Variants in HNF4G observed in about 807,000 individuals in gnomAD.
HNF4G encodes the protein hepatocyte nuclear factor 4 gamma.
HNF4G carries 21 observed loss-of-function variants against 50.9 expected under a neutral mutation model. That is an observed-to-expected ratio of 0.41 (90% CI 0.29 to 0.59). The LOEUF is 0.59. Ranked by LOEUF, HNF4G falls within the 20% of genes least tolerant of loss-of-function variation. HNF4G has a pLI of 0.26. For synonymous variants in HNF4G, 198 were observed against 185.6 expected (o/e 1.07, Z -0.54); for missense variants, 527 against 559.4 (o/e 0.94, Z 0.58).
Position 75,566,357 on chromosome 8 carries a change from A to G in HNF4G, c.*2261A>G, listed in dbSNP as rs540597370. 1 of 152,426 alleles carries G rather than the reference A, an allele frequency of 6.6e-6. No homozygotes were observed. Among genetic ancestry groups the G allele is most frequent in the Admixed American group, 6.5e-5 (1 of 15,300 alleles). The allele number at this position is 152,426 out of a possible 1,614,324, so 9.4% of individuals were successfully genotyped here. ...TGTCAGCATGTGAATTTTGGAAAAC[A>G]CAAAAATTCAGAACATAGCAAATAC... On this transcript the variant is annotated 3_prime_UTR_variant, in exon 10 of 10. Transcript: ENST00000396423.
chr8:75,553,025 G>A lies in HNF4G; in HGVS notation c.490-17G>A. Reference sequence around the variant, plus strand: ...CTATTATTTTAAATGATAATATAATGCTTTTCTTAATACTAGATCTCAGTC... The same window carrying A: ...CTATTATTTTAAATGATAATATAATACTTTTCTTAATACTAGATCTCAGTC... On this transcript the variant is annotated splice_polypyrimidine_tract_variant and intron_variant, in intron 4 of 9. Transcript: ENST00000396423. 1 of 1,579,442 alleles carries A rather than the reference G, an allele frequency of 6.3e-7. No homozygotes were observed. The highest frequency in any genetic ancestry group is 1.1e-5 in the South Asian group (1 of 87,476).
At position 75,566,179 on chromosome 8, in the gene HNF4G, C is replaced by T. The variant is rs1174084241; in HGVS notation, c.*2083C>T. ...AGATTAAGGGATCAACAAATTAGGC[C>T]TCTGGATCATACATGGCATTTTCTA... On this transcript the variant is annotated 3_prime_UTR_variant, in exon 10 of 10. Transcript: ENST00000396423. The T allele has an allele frequency of 6.6e-6, 1 of 152,024 alleles. No individual in the cohort carries two copies. The highest frequency in any genetic ancestry group is 2.4e-5 in the African/African-American group (1 of 41,384). The allele number at this position is 152,024 out of a possible 1,614,324, so 9.4% of individuals were successfully genotyped here.
chr8:75,511,623 G>C lies in HNF4G; in HGVS notation c.-24+21415G>C, dbSNP rs539860080. On this transcript the variant is annotated intron_variant, in intron 2 of 10. Coordinates refer to the HNF4G transcript ENST00000354370. ...TTTATTTTTTTTGAGACGAAGTCTC[G>C]CTCTGTCGCCCAGGCTGGACTGCAG... Among the ~76,000 whole-genome samples, 6 of 152,146 alleles carry C rather than the reference G, an allele frequency of 3.9e-5. No individual in the cohort carries two copies. The South Asian group carries it at 1.2e-3, about 32-fold the overall frequency.
chr8:75,449,058 G>T (rs1257812834), intron 1 of HNF4G, among the ~76,000 whole-genome samples: 11 of 152,068 alleles, frequency 7.2e-5, no homozygotes, highest in Non-Finnish European at 1.5e-4. Flanking sequence ...TAATTAAAGG[G>T]CCCCAAAAAG....
chr8:75,561,868 CTAT>C (rs1807320978), intron 9 of HNF4G, among the ~76,000 whole-genome samples: 1 of 152,136 alleles, frequency 6.6e-6, no homozygotes, highest in African/African-American at 2.4e-5. Context: ...CTAAGTTAAT[CTAT>C]TATTGTAGCT....
intron 1 of HNF4G, among the ~76,000 whole-genome samples, chr8:75,475,804 A>G (rs1011868501): frequency 5.9e-5 from 9 of 152,142 alleles, no homozygotes; most frequent in South Asian, 4.1e-4. Context: ...CCATAGAAGT[A>G]CAATTTATAT....
intron 1 of HNF4G, among the ~76,000 whole-genome samples, chr8:75,489,029 A>G (rs1166038881): frequency 6.6e-6 from 1 of 152,172 alleles, no homozygotes; most frequent in African/African-American, 2.4e-5. Flanking sequence ...AGCTCCCAGC[A>G]CTGATCAAAG....
At chr8:75,473,123 C>A (rs1355281821) in intron 1 of HNF4G, among the ~76,000 whole-genome samples, 2 of 151,992 alleles carry the variant, frequency 1.3e-5, no homozygotes, top group Non-Finnish European at 2.9e-5. Context: ...TCCTGGCTAA[C>A]ATGGTGAAAC....
intron 1 of HNF4G, among the ~76,000 whole-genome samples, chr8:75,455,735 A>G (rs1179427308): frequency 6.6e-6 from 1 of 152,194 alleles, no homozygotes; most frequent in Non-Finnish European, 1.5e-5. Context: ...TATTGCCTCT[A>G]TATTTTCCAG....
At chr8:75,442,923 C>G (rs78625109) in intron 1 of HNF4G, among the ~76,000 whole-genome samples, 7,851 of 152,146 alleles carry the variant, frequency 0.052, 204 homozygotes, top group Middle Eastern at 0.071. Context: ...CAGGAATGCT[C>G]AATCTCACAC....
Position 75,564,150 on chromosome 8 carries a change from G to C in HNF4G, c.*54G>C, listed in dbSNP as rs1807397378. 1.3e-5 allele frequency: 21 copies of C among 1,595,732 alleles called. No individual in the cohort carries two copies. Among genetic ancestry groups the C allele is most frequent in the Non-Finnish European group, 1.8e-5 (21 of 1,167,980 alleles). ...ATAAATGTGAAAAGTTGTTGATCTT[G>C]AAATATCTCAGGATAGCACTTTTGG... On this transcript the variant is annotated 3_prime_UTR_variant, in exon 10 of 10. Transcript: ENST00000396423.
intron 1 of HNF4G, among the ~76,000 whole-genome samples, chr8:75,433,219 T>G (rs1055557442): frequency 6.6e-6 from 1 of 151,958 alleles, no homozygotes; most frequent in East Asian, 1.9e-4. Context: ...CTGGTCAACA[T>G]AGAAAGACCC....
At chr8:75,450,880 CAG>C (rs1811568507) in intron 1 of HNF4G, among the ~76,000 whole-genome samples, 1 of 152,110 alleles carries the variant, frequency 6.6e-6, no homozygotes, top group Admixed American at 6.6e-5. Context: ...AAGGTGAGTT[CAG>C]AGTTCTCTCG....
In HNF4G at chr8:75,555,966, A is replaced by G; in HGVS notation, c.646-16A>G. 2 of 1,415,398 alleles carry G rather than the reference A, an allele frequency of 1.4e-6. No homozygotes were observed. The highest frequency in any genetic ancestry group is 1.9e-6 in the Non-Finnish European group (2 of 1,042,338). The allele number at this position is 1,415,398 out of a possible 1,614,324, so 87.7% of individuals were successfully genotyped here. ...TATATTATAATTAATTGTTAAACTG[A>G]GAATTTTTCATTAAGGTGGCACTGT... On this transcript the variant is annotated splice_polypyrimidine_tract_variant and intron_variant, in intron 5 of 9. Transcript: ENST00000396423.
At chr8:75,484,828 G>C (rs1369970696) in intron 1 of HNF4G, among the ~76,000 whole-genome samples, 2 of 152,146 alleles carry the variant, frequency 1.3e-5, no homozygotes, top group Non-Finnish European at 2.9e-5. Flanking sequence ...GAGCACTTTT[G>C]ACATAATTTC....
intron 1 of HNF4G, among the ~76,000 whole-genome samples, chr8:75,439,743 TA>T (rs1811230046): frequency 6.6e-6 from 1 of 152,042 alleles, no homozygotes; most frequent in African/African-American, 2.4e-5. Context: ...CATTTTCCTT[TA>T]TTAAGCATTA....
intron 1 of HNF4G, among the ~76,000 whole-genome samples, chr8:75,420,455 C>T (rs147419891): frequency 2.6e-4 from 40 of 152,354 alleles, no homozygotes; most frequent in African/African-American, 8.9e-4. Context: ...CCTCAGCCGT[C>T]TCTCTTTTAC....
In HNF4G at chr8:75,564,533, A is replaced by G. The variant is rs1223369308; in HGVS notation, c.*437A>G. 2 of 153,406 alleles carry G rather than the reference A, an allele frequency of 1.3e-5. No individual in the cohort carries two copies. The highest frequency in any genetic ancestry group is 3.8e-4 in the East Asian group (2 of 5,222). The allele number at this position is 153,406 out of a possible 1,614,324, so 9.5% of individuals were successfully genotyped here. ...AGCTAAGTTTTTAAAAATAAATTAT[A>G]AACTTGGAGATTAGAAAAATAAAGC... On this transcript the variant is annotated 3_prime_UTR_variant, in exon 10 of 10. Coordinates refer to ENST00000396423, the MANE Select transcript of HNF4G (RefSeq NM_004133.5).
chr8:75,565,492 T>C lies in HNF4G; in HGVS notation c.*1396T>C, dbSNP rs1467249188. ...GCCCAGGGATGTACCAAATGTCGAA[T>C]TCTAGACTGAGGAGTAGAGTTCATT... is the stretch of plus-strand genomic sequence containing the variant. On this transcript the variant is annotated 3_prime_UTR_variant, in exon 10 of 10. Transcript: ENST00000396423. 6.6e-6 allele frequency: 1 copy of C among 152,128 alleles called. No homozygotes were observed. The highest frequency in any genetic ancestry group is 1.5e-5 in the Non-Finnish European group (1 of 68,028). The allele number at this position is 152,128 out of a possible 1,614,324, so 9.4% of individuals were successfully genotyped here.
Sources: allele counts gnomAD v4.1 joint callset (sites outside exome capture counted in the v4.1 genomes callset), GRCh38; gene constraint gnomAD v4.1.1; transcripts MANE v1.5; gene names NCBI Gene and HGNC (gene_info 2026-07-23, HGNC 2026-07-21).